Variants in BET1 observed in about 807,000 individuals in gnomAD.
The protein encoded by BET1 is Bet1 golgi vesicular membrane trafficking protein, also known as BET1 homolog.
In BET1, 9 loss-of-function variants were observed where a neutral mutation model predicts 13.9. The observed-to-expected ratio is 0.65, with a 90% CI of 0.39 to 1.13. The LOEUF (loss-of-function observed/expected upper bound fraction) is 1.13. Ranked by LOEUF, BET1 falls within the 50% of genes most tolerant of loss-of-function variation. The pLI is 0.01. For missense variants in BET1, 127 were observed against 133.6 expected, an observed-to-expected ratio of 0.95 and a Z score of 0.24; for synonymous variants, 39 against 47.3, an observed-to-expected ratio of 0.82 and a Z score of 0.72.
chr7:93,979,063 A>G (rs191036387), intron 4 of BET1, among the ~76,000 whole-genome samples: 43 of 152,280 alleles, frequency 2.8e-4, no homozygotes, highest in Middle Eastern at 3.4e-3. Flanking sequence ...TGCCACTGAT[A>G]GTTTTTCAGA....
At chr7:93,998,430 G>A (rs1795818840) in intron 2 of BET1, among the ~76,000 whole-genome samples, 1 of 151,624 alleles carries the variant, frequency 6.6e-6, no homozygotes. Context: ...CAGGTGCGGT[G>A]GCTCACACCT....
At chr7:93,998,914 C>T (rs1795831165) in intron 2 of BET1, among the ~76,000 whole-genome samples, 1 of 152,030 alleles carries the variant, frequency 6.6e-6, no homozygotes. Flanking sequence ...TGAGACATTA[C>T]AGCAGACAGC....
intron 5 of BET1, among the ~76,000 whole-genome samples, chr7:93,973,239 G>A (rs1159945288): frequency 6.6e-6 from 1 of 151,926 alleles, no homozygotes; most frequent in African/African-American, 2.4e-5. Context: ...TGGAACAAGA[G>A]AGTTTGCAGT....
In BET1 at chr7:93,979,309, A is replaced by G. The variant is rs147503628; in HGVS notation, c.236-3209T>C. ...CACAGGCCTAGCTGTGCCACTGTTCAGTGCAATGGCAGGGATTTACCACCA... is the reference window on the plus strand; with the variant it reads ...CACAGGCCTAGCTGTGCCACTGTTCGGTGCAATGGCAGGGATTTACCACCA... On this transcript the variant is annotated intron_variant and NMD_transcript_variant, in intron 4 of 6. Coordinates refer to the BET1 transcript ENST00000357520. 4.8e-3 allele frequency among the ~76,000 whole-genome samples: 732 copies of G among 152,304 alleles called. 17 individuals are homozygous for G. The highest frequency in any genetic ancestry group is 0.031 in the Admixed American group (479 of 15,292).
chr7:93,978,230 C>T (rs944447860), intron 4 of BET1, among the ~76,000 whole-genome samples: 3 of 152,036 alleles, frequency 2.0e-5, no homozygotes, highest in Non-Finnish European at 2.9e-5. Flanking sequence ...CCATGATGCC[C>T]GGTTAATTTT....
intron 4 of BET1, among the ~76,000 whole-genome samples, chr7:93,986,917 G>GTA (rs1356061790): frequency 6.6e-6 from 1 of 152,016 alleles, no homozygotes; most frequent in Non-Finnish European, 1.5e-5. Flanking sequence ...ATTCCGTATA[G>GTA]TACATGCTAT....
At chr7:93,987,514 T>C (rs941075404) in intron 4 of BET1, among the ~76,000 whole-genome samples, 1 of 152,112 alleles carries the variant, frequency 6.6e-6, no homozygotes, top group African/African-American at 2.4e-5. Context: ...GGCTGGGTCA[T>C]AGATTATCCC....
chr7:93,995,037 G>A (rs1795732711), intron 3 of BET1, among the ~76,000 whole-genome samples: 1 of 152,188 alleles, frequency 6.6e-6, no homozygotes, highest in South Asian at 2.1e-4. Context: ...GTAGAGATGG[G>A]GTTTCACCAT....
At chr7:93,999,454 A>G (rs1046235904) in intron 1 of BET1, among the ~76,000 whole-genome samples, 160 bp from the exon 2 acceptor site, 1 of 152,218 alleles carries the variant, frequency 6.6e-6, no homozygotes, top group Non-Finnish European at 1.5e-5. Flanking sequence ...AACCAAACAG[A>G]GATCAGACCA....
chr7:93,988,751 A>G (rs1311204994), downstream of BET1, among the ~76,000 whole-genome samples: 1 of 151,868 alleles, frequency 6.6e-6, no homozygotes, highest in African/African-American at 2.4e-5. Context: ...AAAAAGCTGA[A>G]TATAATTTAG....
At chr7:93,963,916 A>C (rs1795135653) in exon 7 of BET1, 1 of 152,132 alleles carries the variant, frequency 6.6e-6, no homozygotes, top group South Asian at 2.1e-4. Flanking sequence ...AAATACAAAA[A>C]TTAGCTAGGC....
At chr7:93,999,842 G>A (rs1435481413) in intron 1 of BET1, 5 of 371,480 alleles carry the variant, frequency 1.3e-5, no homozygotes, top group Non-Finnish European at 2.1e-5. Flanking sequence ...AACTTATGCA[G>A]AATGCTAGCT....
intron 1 of BET1, among the ~76,000 whole-genome samples, chr7:94,002,455 T>C (rs1795927506): frequency 9.2e-6 from 1 of 108,800 alleles, no homozygotes; most frequent in South Asian, 2.7e-4. Context: ...AAGAGCTTTT[T>C]TTTAAAAAAA....
intron 1 of BET1, among the ~76,000 whole-genome samples, chr7:94,003,922 C>T (rs1795968723): frequency 6.6e-6 from 1 of 152,026 alleles, no homozygotes; most frequent in South Asian, 2.1e-4. Context: ...AACACTAAAA[C>T]ACTCGACCAC....
intron 1 of BET1, among the ~76,000 whole-genome samples, chr7:94,001,548 G>A (rs1795902990): frequency 6.6e-6 from 1 of 152,146 alleles, no homozygotes; most frequent in African/African-American, 2.4e-5. Context: ...TTTTGCTGCT[G>A]ACACACTATC....
At chr7:94,003,848 G>C (rs1795967442) in intron 1 of BET1, among the ~76,000 whole-genome samples, 1 of 152,044 alleles carries the variant, frequency 6.6e-6, no homozygotes, top group Non-Finnish European at 1.5e-5. Flanking sequence ...GGGCCAGTAG[G>C]GAAACAGAAA....
exon 7 of BET1, chr7:93,963,072 A>C (rs763835250): frequency 1.3e-5 from 2 of 152,144 alleles, no homozygotes; most frequent in African/African-American, 2.4e-5. Flanking sequence ...CATCAAGCCC[A>C]TGTCACAGAT....
intron 5 of BET1, among the ~76,000 whole-genome samples, chr7:93,975,170 C>T (rs1212793266): frequency 1.3e-5 from 2 of 151,972 alleles, no homozygotes; most frequent in African/African-American, 2.4e-5. Flanking sequence ...CTGACTAGGA[C>T]TCTGGAACAT....
Position 93,994,343 on chromosome 7 carries a change from T to C in BET1, c.244A>G (p.Met82Val). ...CTGGATAAAATCTTCAGTTTGCCCA[T>C]AGTTTTACCTAGAAATCCAGTTGTG... is the stretch of plus-strand genomic sequence containing the variant. ...DSTTGFLGKT[M>V]GKLKILSRGS... The change falls in exon 4 of 4, where the codon ATG (methionine) becomes GTG (valine). Residue 82 changes from methionine to valine, a missense_variant. Transcript: ENST00000222547. The C allele has an allele frequency of 1.2e-6, 2 of 1,613,734 alleles. No homozygotes were observed. The highest frequency in any genetic ancestry group is 1.1e-5 in the South Asian group (1 of 91,026).
Sources: gnomAD v4.1 joint callset for allele counts (sites outside exome capture counted in the v4.1 genomes callset) on GRCh38, gnomAD v4.1.1 for gene constraint, MANE v1.5 for transcripts, NCBI Gene and HGNC (gene_info 2026-07-23, HGNC 2026-07-21) for gene names.